Variants in PARP1 observed in about 807,000 individuals in gnomAD.
PARP1 encodes poly(ADP-ribose) polymerase 1.
In PARP1, 44 loss-of-function variants were observed where a neutral mutation model predicts 118.7. The ratio of observed to expected loss-of-function variants is 0.37; its 90% CI spans 0.29 to 0.48. The LOEUF is 0.48. PARP1 is among the 20% of genes least tolerant of loss of function. The probability of loss-of-function intolerance (pLI) is 0.99; values close to 1 mark genes in which losing one functional copy is unlikely to be tolerated. For synonymous variants in PARP1, 492 were observed against 483.2 expected (o/e 1.02, Z -0.24); for missense variants, 1,100 against 1,272.4 (o/e 0.86, Z 2.06).
intron 1 of PARP1, among the ~76,000 whole-genome samples, chr1:226,407,499 G>A (rs977896024): frequency 3.3e-5 from 5 of 152,060 alleles, no homozygotes; most frequent in East Asian, 1.9e-4. Flanking sequence ...CAACCCCTGA[G>A]GCGAACGGCA....
In PARP1 at chr1:226,390,159, T is replaced by A. The variant is rs1251936615; in HGVS notation, c.617+251A>T. 2.6e-5 allele frequency among the ~76,000 whole-genome samples: 4 copies of A among 152,086 alleles called. No homozygotes were observed. In the East Asian group the frequency reaches 7.7e-4, roughly 29 times the overall value. On this transcript the variant is annotated intron_variant, in intron 4 of 22. Transcript: ENST00000366794. ...TGGAGCTCAGATGTTGGAAGGGGAA[T>A]AGACCACCAGGAAGCAGGTCTCACA... is the stretch of plus-strand genomic sequence containing the variant.
chr1:226,366,287 T>C, intron 17 of PARP1: 1 of 499,134 alleles, frequency 2.0e-6, no homozygotes, highest in East Asian at 3.6e-5. Flanking sequence ...TCAGGGTTCC[T>C]TTTTGTCTTA....
intron 12 of PARP1, 74 bp from the exon 13 acceptor site, chr1:226,377,377 C>T: frequency 1.8e-6 from 2 of 1,133,516 alleles, no homozygotes; most frequent in Admixed American, 3.4e-5. Context: ...CCCTTTCCTG[C>T]CATTACATTC....
intron 2 of PARP1, chr1:226,393,095 A>C (rs1664850724): frequency 1.9e-6 from 2 of 1,028,684 alleles, no homozygotes; most frequent in Non-Finnish European, 2.6e-6. Flanking sequence ...GAGATATCTT[A>C]AGAAATCTAT....
chr1:226,383,653 T>C (rs1236235967), intron 7 of PARP1, among the ~76,000 whole-genome samples: 1 of 152,248 alleles, frequency 6.6e-6, no homozygotes, highest in Non-Finnish European at 1.5e-5. Flanking sequence ...TCACAGTATT[T>C]GCTTTCCTTT....
At chr1:226,397,174 A>T (rs906437573) in intron 2 of PARP1, among the ~76,000 whole-genome samples, 19 of 143,970 alleles carry the variant, frequency 1.3e-4, no homozygotes, top group Admixed American at 6.8e-4. Flanking sequence ...AAAAAAAAAA[A>T]GTTAAAAAAT....
At chr1:226,406,377 C>T (rs1418775293) in intron 1 of PARP1, among the ~76,000 whole-genome samples, 2 of 152,214 alleles carry the variant, frequency 1.3e-5, no homozygotes, top group Admixed American at 6.5e-5. Context: ...TCATAACAGG[C>T]TGCCTTGTAT....
intron 9 of PARP1, 81 bp from the exon 10 acceptor site, chr1:226,380,245 G>A: frequency 2.9e-6 from 4 of 1,377,646 alleles, no homozygotes; most frequent in Non-Finnish European, 4.1e-6. Flanking sequence ...GTTATATTTA[G>A]TGTGTACTTC....
intron 2 of PARP1, chr1:226,401,904 G>T (rs950676307): frequency 4.8e-6 from 6 of 1,244,122 alleles, no homozygotes; most frequent in Non-Finnish European, 6.4e-6. Flanking sequence ...TGTGGTGGGA[G>T]GGGGAGGGGG....
In PARP1 at chr1:226,361,405, G is replaced by T; in HGVS notation, c.*55C>A. ...CGGCCAGGTGAGTTGGTGCAGAAGC[G>T]CTTCGGGTGAATTCATACCAGAGCC... is the stretch of plus-strand genomic sequence containing the variant. On this transcript the variant is annotated 3_prime_UTR_variant, in exon 23 of 23. Transcript: ENST00000366794. 1.7e-6 allele frequency: 2 copies of T among 1,180,538 alleles called. No homozygotes were observed. Among genetic ancestry groups the T allele is most frequent in the Non-Finnish European group, 1.3e-6 (1 of 789,106 alleles). The allele number at this position is 1,180,538 out of a possible 1,614,324, so 73.1% of individuals were successfully genotyped here.
At chr1:226,391,681 A>G (rs1021699843) in intron 3 of PARP1, among the ~76,000 whole-genome samples, 1 of 152,244 alleles carries the variant, frequency 6.6e-6, no homozygotes, top group African/African-American at 2.4e-5. Flanking sequence ...GCCTTAAATG[A>G]ATCAATTAAT....
At chr1:226,385,867 T>C (rs1168359379) in intron 6 of PARP1, among the ~76,000 whole-genome samples, 187 bp from the exon 7 acceptor site, 1 of 152,208 alleles carries the variant, frequency 6.6e-6, no homozygotes, top group African/African-American at 2.4e-5. Context: ...GCTTGGATTC[T>C]TGTAGGAGAC....
chr1:226,367,124 CA>C (rs1195428219), intron 17 of PARP1: 4 of 349,212 alleles, frequency 1.1e-5, no homozygotes, highest in Non-Finnish European at 1.7e-5. Flanking sequence ...GTTCACGCTA[CA>C]AGGGTTTAGA....
chr1:226,387,475 G>T (rs980164716), intron 5 of PARP1, among the ~76,000 whole-genome samples: 11 of 152,144 alleles, frequency 7.2e-5, no homozygotes. Context: ...GTTGCTATTA[G>T]TATCAAAAGA....
Position 226,383,094 on chromosome 1 carries a change from G to T in PARP1, c.1101C>A (p.Ala367=). 1 of 1,613,042 alleles carries T rather than the reference G, an allele frequency of 6.2e-7. No homozygotes were observed. Among genetic ancestry groups the T allele is most frequent in the Non-Finnish European group, 8.5e-7 (1 of 1,179,930 alleles). Residue 367 remains alanine, a synonymous_variant, in exon 8 of 23, where the codon GCC becomes GCA. Transcript: ENST00000366794. ...CCGAGGCTGTGGAGGGCGGAGGCGT[G>T]GCCGCCACGGAGGCGCTGGTTTCTG... ...FPPETSASVA[A]TPPPSTASAP...
At chr1:226,362,754 G>A (rs999301430) in intron 21 of PARP1, among the ~76,000 whole-genome samples, 4 of 152,190 alleles carry the variant, frequency 2.6e-5, no homozygotes, top group Middle Eastern at 3.2e-3. Flanking sequence ...GGTTACTGGT[G>A]CCTGCACCAA....
chr1:226,400,717 A>G (rs991729157), intron 2 of PARP1, among the ~76,000 whole-genome samples: 1 of 152,238 alleles, frequency 6.6e-6, no homozygotes, highest in African/African-American at 2.4e-5. Context: ...CTCTGGCTGC[A>G]GGGCGTGACT....
At chr1:226,396,449 T>TA (rs1290254279) in intron 2 of PARP1, among the ~76,000 whole-genome samples, 2 of 151,496 alleles carry the variant, frequency 1.3e-5, no homozygotes, top group Non-Finnish European at 2.9e-5. Flanking sequence ...AAGTGATACT[T>TA]AGAGTAGGAT....
At chr1:226,381,833 C>T (rs1045192028) in intron 8 of PARP1, among the ~76,000 whole-genome samples, 1 of 152,312 alleles carries the variant, frequency 6.6e-6, no homozygotes, top group African/African-American at 2.4e-5. Flanking sequence ...ACTGGAGTAG[C>T]TGCAAGGAAA....
Sources: allele counts gnomAD v4.1 joint callset (sites outside exome capture counted in the v4.1 genomes callset), GRCh38; gene constraint gnomAD v4.1.1; transcripts MANE v1.5; gene names NCBI Gene and HGNC (gene_info 2026-07-23, HGNC 2026-07-21).